The following GNAS variants were observed in gnomAD, a reference collection of about 807,000 sequenced individuals.
The protein encoded by GNAS is GNAS complex locus.
Under a neutral mutation model 54.5 loss-of-function variants are expected in GNAS, and 8 were observed. The observed-to-expected ratio is 0.15, with a 90% confidence interval of 0.09 to 0.26. GNAS has a LOEUF of 0.26. Ranked by LOEUF, GNAS falls within the 10% of genes least tolerant of loss-of-function variation. GNAS has a pLI of 1.00. For synonymous variants in GNAS, 204 were observed against 191.4 expected, an observed-to-expected ratio of 1.07 and a Z score of -0.54; for missense variants, 170 against 529.8, an observed-to-expected ratio of 0.32 and a Z score of 6.67.
At chr20:58,902,196 TCACCTCC>T (rs2090676820) in intron 3 of GNAS, among the ~76,000 whole-genome samples, 1 of 152,098 alleles carries the variant, frequency 6.6e-6, no homozygotes. Flanking sequence ...GACAACGCCC[TCACCTCC>T]CAGGGCCTAA....
chr20:58,900,044 C>T, intron 3 of GNAS: 1 of 668,170 alleles, frequency 1.5e-6, no homozygotes, highest in Non-Finnish European at 2.8e-6. Flanking sequence ...TTAGGAACTT[C>T]TAATAAGAAT....
At chr20:58,846,045 T>G (rs1197558737) in intron 1 of GNAS, among the ~76,000 whole-genome samples, 1 of 151,988 alleles carries the variant, frequency 6.6e-6, no homozygotes, top group Non-Finnish European at 1.5e-5. Flanking sequence ...AGAGGGTAAG[T>G]GGTGACAGTA....
At chr20:58,888,204 G>C (rs1040528648), upstream of GNAS, among the ~76,000 whole-genome samples, 1 of 152,168 alleles carries the variant, frequency 6.6e-6, no homozygotes, top group Non-Finnish European at 1.5e-5. Context: ...GCATATCTGG[G>C]CTTTCCGGGA....
In GNAS at chr20:58,891,563, C is replaced by G. The variant is rs2089317672; in HGVS notation, c.-164C>G. On this transcript the variant is annotated 5_prime_UTR_variant, in exon 1 of 13. Transcript: ENST00000371085. ...CCCCTTCCCGCCCGTCCGCGCGCCC[C>G]GCGGCCCGCGGCCCGCAGTCCGCCC... 1.0e-6 allele frequency: 1 copy of G among 969,926 alleles called. No homozygotes were observed. Among genetic ancestry groups the G allele is most frequent in the Non-Finnish European group, 1.2e-6 (1 of 820,592 alleles). 60.1% of individuals were successfully genotyped at this position (969,926 alleles called of 1,614,324 possible). A position where few individuals can be genotyped will look rare whatever the true frequency, so the allele number is the denominator to read the frequency against.
chr20:58,903,373 ATG>A (rs1257199416), intron 3 of GNAS, 156 bp from the exon 4 acceptor site: 1 of 739,268 alleles, frequency 1.4e-6, no homozygotes, highest in Non-Finnish European at 2.4e-6. Context: ...ATTTGCAACT[ATG>A]TTTATTCAGC....
intron 1 of GNAS, chr20:58,867,506 T>G (rs1243782580): frequency 3.3e-5 from 5 of 152,326 alleles, no homozygotes; most frequent in African/African-American, 1.2e-4. Context: ...CCTTGCTGTC[T>G]TCTACCATAG....
intron 1 of GNAS, among the ~76,000 whole-genome samples, chr20:58,871,311 T>A (rs1408405486): frequency 6.6e-6 from 1 of 151,858 alleles, no homozygotes; most frequent in Admixed American, 6.6e-5. Context: ...AAGAAGTAAA[T>A]AGAGATTAAA....
rs2085737580 is a variant in GNAS at position 58,841,725 on chromosome 20, G to T, written c.43+839G>T. 8.2e-7 allele frequency: 1 copy of T among 1,223,324 alleles called. No individual in the cohort carries two copies. Among genetic ancestry groups the T allele is most frequent in the Non-Finnish European group, 1.0e-6 (1 of 982,960 alleles). 75.8% of individuals were successfully genotyped at this position (1,223,324 alleles called of 1,614,324 possible). A position where few individuals can be genotyped will look rare whatever the true frequency, so the allele number is the denominator to read the frequency against. On this transcript the variant is annotated intron_variant, in intron 1 of 12. Transcript: ENST00000306090. This position sits in a 1 kb window ranked among gnomAD's most constrained non-coding sequence, Gnocchi z 5.0. ...TGGGGATGCCCCTACGGGCTACCAG[G>T]GTTGAACGCACAGGCATGGTCACGT...
At position 58,856,279 on chromosome 20, in the gene GNAS, CG is replaced by C; in HGVS notation, c.43+15398del. The C allele has an allele frequency of 1.3e-5, 2 of 153,074 alleles. No individual in the cohort carries two copies. The highest frequency in any genetic ancestry group is 2.9e-5 in the Non-Finnish European group (2 of 68,348). The allele number at this position is 153,074 out of a possible 1,614,324, so 9.5% of individuals were successfully genotyped here. On this transcript the variant is annotated intron_variant, in intron 1 of 12. Transcript: ENST00000306090. This position sits in a 1 kb window ranked among gnomAD's most constrained non-coding sequence, Gnocchi z 4.2. ...TCTGCACACACACAGCTCGCCTGGT[CG>C]GGGGATGGGGGAAAGGGGAAACACA...
chr20:58,841,142 G>A lies in GNAS; in HGVS notation c.43+256G>A, dbSNP rs2085704746. Reference sequence around the variant, plus strand: ...TGCGTCCCGCTGGAGACAACCTGAGGTCTCCGAGCTGGTGCCCCGGCTACG... The same window carrying A: ...TGCGTCCCGCTGGAGACAACCTGAGATCTCCGAGCTGGTGCCCCGGCTACG... On this transcript the variant is annotated intron_variant, in intron 1 of 12. Transcript: ENST00000306090. The surrounding 1 kb of genome is among the most constrained non-coding windows in gnomAD (Gnocchi z 5.0). Among the ~76,000 whole-genome samples the A allele has an allele frequency of 6.6e-6, 1 of 152,110 alleles. No homozygotes were observed. Among genetic ancestry groups the A allele is most frequent in the Non-Finnish European group, 1.5e-5 (1 of 68,018 alleles).
chr20:58,857,888 C>T lies in GNAS; in HGVS notation c.43+17002C>T, dbSNP rs900990730. Reference sequence around the variant, plus strand: ...TTGTACCTTGTCCTGGCTTTGTTCTCGGGTGCTGGTAGCCAAACACCTTTG... The same window carrying T: ...TTGTACCTTGTCCTGGCTTTGTTCTTGGGTGCTGGTAGCCAAACACCTTTG... On this transcript the variant is annotated intron_variant, in intron 1 of 12. Coordinates refer to the GNAS transcript ENST00000306090. This position sits in a 1 kb window ranked among gnomAD's most constrained non-coding sequence, Gnocchi z 4.1. Among the ~76,000 whole-genome samples, 1 of 152,160 alleles carries T rather than the reference C, an allele frequency of 6.6e-6. No individual in the cohort carries two copies. Among genetic ancestry groups the T allele is most frequent in the African/African-American group, 2.4e-5 (1 of 41,444 alleles).
intron 1 of GNAS, among the ~76,000 whole-genome samples, chr20:58,871,778 A>G (rs1413144656): frequency 6.6e-6 from 1 of 152,060 alleles, no homozygotes; most frequent in African/African-American, 2.4e-5. Flanking sequence ...AGAAGAAAAG[A>G]AAAAAGAAAA....
chr20:58,890,035 C>T (rs950541855), upstream of GNAS, among the ~76,000 whole-genome samples: 2 of 151,600 alleles, frequency 1.3e-5, no homozygotes, highest in Non-Finnish European at 2.9e-5. Flanking sequence ...AGCGGGGACC[C>T]CGAGAAGCTC....
intron 5 of GNAS, among the ~76,000 whole-genome samples, chr20:58,905,133 C>A (rs994224164): frequency 9.9e-5 from 15 of 152,156 alleles, no homozygotes; most frequent in African/African-American, 3.4e-4. Context: ...CCCCTACACA[C>A]GAGAAAAGAA....
intron 1 of GNAS, among the ~76,000 whole-genome samples, chr20:58,868,167 C>T (rs1321252238): frequency 2.0e-5 from 3 of 152,058 alleles, no homozygotes; most frequent in African/African-American, 7.2e-5. Flanking sequence ...ACTACAGGCG[C>T]ACGCCACCAC....
intron 1 of GNAS, among the ~76,000 whole-genome samples, chr20:58,871,649 C>CAAAAA (rs2087473250): frequency 1.4e-5 from 1 of 70,994 alleles, no homozygotes; most frequent in African/African-American, 5.5e-5. Context: ...AAAAAAAAAC[C>CAAAAA]AAAAAAATTA....
At chr20:58,840,025 C>G (rs991793016), upstream of GNAS, 10 of 1,521,300 alleles carry the variant, frequency 6.6e-6, no homozygotes, top group East Asian at 1.1e-4. This position sits in a 1 kb window ranked among gnomAD's most constrained non-coding sequence, Gnocchi z 6.0. Flanking sequence ...GTACCTTTCC[C>G]GGCTCCAGCA....
In GNAS at chr20:58,891,867, TA is replaced by T; in HGVS notation, c.139+4del. ...CCACGCACCGCCTGCTGCTGCTGGG[TA>T]AGGGCGGGCGGGGGGCGCCGGCCCC... is the stretch of plus-strand genomic sequence containing the variant. On this transcript the variant is annotated splice_donor_region_variant and intron_variant, in intron 1 of 12. Transcript: ENST00000371085. 2 of 1,204,342 alleles carry T rather than the reference TA, an allele frequency of 1.7e-6. No individual in the cohort carries two copies. Among genetic ancestry groups the T allele is most frequent in the South Asian group, 1.6e-5 (1 of 63,404 alleles). The allele number at this position is 1,204,342 out of a possible 1,614,324, so 74.6% of individuals were successfully genotyped here.
At position 58,910,910 on chromosome 20, in the gene GNAS, C is replaced by T. The variant is rs1021158245; in HGVS notation, c.*81C>T. 9 of 1,346,258 alleles carry T rather than the reference C, an allele frequency of 6.7e-6. No homozygotes were observed. The highest frequency in any genetic ancestry group is 7.4e-6 in the Non-Finnish European group (7 of 944,326). The allele number at this position is 1,346,258 out of a possible 1,614,324, so 83.4% of individuals were successfully genotyped here. A position where few individuals can be genotyped will look rare whatever the true frequency, so the allele number is the denominator to read the frequency against. On this transcript the variant is annotated 3_prime_UTR_variant, in exon 13 of 13. Coordinates refer to ENST00000371085, the MANE Select transcript of GNAS (RefSeq NM_000516.7). The surrounding 1 kb of genome is among the most constrained non-coding windows in gnomAD (Gnocchi z 5.8). Reference sequence around the variant, plus strand: ...CGTAATTGTACAAGCAGTTAATCACCCACCATAGGGCATGATTAACAAAGC... The same window carrying T: ...CGTAATTGTACAAGCAGTTAATCACTCACCATAGGGCATGATTAACAAAGC...
Sources: gnomAD v4.1 joint callset for allele counts (sites outside exome capture counted in the v4.1 genomes callset) on GRCh38, gnomAD v4.1.1 for gene constraint, Gnocchi (gnomAD v3.1) non-coding constraint, MANE v1.5 for transcripts, NCBI Gene and HGNC (gene_info 2026-07-23, HGNC 2026-07-21) for gene names.